Variants in GPAM observed in about 807,000 individuals in gnomAD.
GPAM encodes glycerol-3-phosphate acyltransferase, mitochondrial, also known as glycerol-3-phosphate acyltransferase 1, mitochondrial.
In GPAM, 56 loss-of-function variants were observed where a neutral mutation model predicts 105.0. The ratio of observed to expected loss-of-function variants is 0.53; its 90% CI spans 0.43 to 0.67. The LOEUF (loss-of-function observed/expected upper bound fraction) is 0.67, where lower values mean the gene tolerates loss of function less well. Among genes scored for constraint, GPAM ranks in the 30% least tolerant of loss-of-function variants. GPAM has a pLI of 0.00. For synonymous variants in GPAM, 368 were observed against 354.4 expected, an observed-to-expected ratio of 1.04 and a Z score of -0.43; for missense variants, 855 against 989.8, an observed-to-expected ratio of 0.86 and a Z score of 1.83.
intron 13 of GPAM, 128 bp downstream of exon 13, chr10:112,164,397 T>A: frequency 1.5e-6 from 1 of 685,030 alleles, no homozygotes; most frequent in Non-Finnish European, 2.7e-6. Flanking sequence ...CTTATTGGAC[T>A]AAGAGAAAAG....
chr10:112,209,823 T>C (rs1847891321), intron 1 of GPAM, among the ~76,000 whole-genome samples: 1 of 152,234 alleles, frequency 6.6e-6, no homozygotes, highest in South Asian at 2.1e-4. Context: ...GTCACTTTCT[T>C]TCAAGACTCA....
At chr10:112,185,622 A>C (rs1160463362), upstream of GPAM, among the ~76,000 whole-genome samples, 1 of 150,430 alleles carries the variant, frequency 6.6e-6, no homozygotes, top group Non-Finnish European at 1.5e-5. Context: ...ACACAGGATT[A>C]ATAGGTTAGA....
At chr10:112,191,277 C>G (rs1009287824) in intron 1 of GPAM, among the ~76,000 whole-genome samples, 1 of 152,224 alleles carries the variant, frequency 6.6e-6, no homozygotes, top group African/African-American at 2.4e-5. Context: ...TGGAGCCAGG[C>G]AGTAAGCAGC....
intron 8 of GPAM, 140 bp from the exon 9 acceptor site, chr10:112,172,458 C>A: frequency 1.4e-6 from 1 of 712,898 alleles, no homozygotes; most frequent in South Asian, 1.5e-5. Context: ...ATAATAGGAA[C>A]TTCCTTCAAT....
At chr10:112,154,984 A>T in intron 20 of GPAM, 1 of 473,592 alleles carries the variant, frequency 2.1e-6, no homozygotes, top group Non-Finnish European at 3.9e-6. Flanking sequence ...AAATACCTAA[A>T]ACATCCATTT....
intron 1 of GPAM, among the ~76,000 whole-genome samples, chr10:112,200,643 A>T (rs776808157): frequency 3.3e-5 from 5 of 152,062 alleles, no homozygotes; most frequent in Non-Finnish European, 5.9e-5. Flanking sequence ...TCCAATAAAA[A>T]GTTTTGCTGA....
At chr10:112,179,498 T>C (rs1408319017) in intron 4 of GPAM, among the ~76,000 whole-genome samples, 1 of 152,244 alleles carries the variant, frequency 6.6e-6, no homozygotes, top group Non-Finnish European at 1.5e-5. Flanking sequence ...AACAAGGTAG[T>C]TGTGGTTTAA....
At chr10:112,221,124 T>C in the GPAM span, among the ~76,000 whole-genome samples, 6 of 152,208 alleles carry the variant, frequency 3.9e-5, no homozygotes, top group African/African-American at 9.6e-5. Flanking sequence ...ATAAGGATTT[T>C]AATGTGAAAT....
rs1390949987 is a variant in GPAM at position 112,190,253 on chromosome 10, AC to A, written n.211-7363del. ...ATGCTGAGGGGTGGCAGTGAAGGTG[AC>A]CTTAGATTCTGCCTTTAAGAAAGGG... On this transcript the variant is annotated intron_variant and non_coding_transcript_variant, in intron 1 of 3. Coordinates refer to the GPAM transcript ENST00000480130. Among the ~76,000 whole-genome samples the A allele has an allele frequency of 4.6e-5, 7 of 152,286 alleles. No individual in the cohort carries two copies. The South Asian group carries it at 1.5e-3, about 32-fold the overall frequency.
upstream of GPAM, among the ~76,000 whole-genome samples, chr10:112,218,359 T>C (rs575161996): frequency 1.3e-5 from 2 of 152,244 alleles, no homozygotes; most frequent in South Asian, 2.1e-4. Context: ...TATGGAGAGA[T>C]GGAGAGGACT....
intron 4 of GPAM, among the ~76,000 whole-genome samples, chr10:112,180,027 C>G (rs1327855701): frequency 1.3e-5 from 2 of 152,226 alleles, no homozygotes; most frequent in African/African-American, 2.4e-5. Flanking sequence ...GACAATCTTT[C>G]ACTATCACAA....
chr10:112,175,567 T>A, intron 6 of GPAM, 33 bp downstream of exon 6: 1 of 1,142,120 alleles, frequency 8.8e-7, no homozygotes, highest in East Asian at 2.3e-5. Flanking sequence ...CATCCCTGCC[T>A]CTTCCCACCT....
Position 112,150,111 on chromosome 10 carries a change from C to T in GPAM, c.*3439G>A, listed in dbSNP as rs775293412. 36 of 983,632 alleles carry T rather than the reference C, an allele frequency of 3.7e-5. No homozygotes were observed. Among genetic ancestry groups the T allele is most frequent in the Non-Finnish European group, 4.2e-5 (35 of 828,296 alleles). The allele number at this position is 983,632 out of a possible 1,614,324, so 60.9% of individuals were successfully genotyped here. ...GACGTTTAGAAATAAGGTCAAGAAT[C>T]TCTTTCAAATGCAATCATTAGTTTG... On this transcript the variant is annotated 3_prime_UTR_variant, in exon 22 of 22. Transcript: ENST00000348367.
chr10:112,167,118 G>C (rs1293732899), intron 11 of GPAM, among the ~76,000 whole-genome samples: 2 of 152,086 alleles, frequency 1.3e-5, no homozygotes, highest in African/African-American at 4.8e-5. Flanking sequence ...AGAACACAAG[G>C]AGAAGAGTGT....
the GPAM span, among the ~76,000 whole-genome samples, chr10:112,223,557 G>C: frequency 1.3e-5 from 2 of 152,198 alleles, no homozygotes; most frequent in African/African-American, 4.8e-5. Flanking sequence ...GTGACCTTAA[G>C]CAAATCACTT....
chr10:112,176,349 C>A (rs1847404832), intron 5 of GPAM, among the ~76,000 whole-genome samples: 1 of 152,258 alleles, frequency 6.6e-6, no homozygotes, highest in South Asian at 2.1e-4. Flanking sequence ...TTATAAATGA[C>A]TATGTGGTGT....
chr10:112,220,233 C>A (rs1283058069), upstream of GPAM, among the ~76,000 whole-genome samples: 3 of 151,830 alleles, frequency 2.0e-5, no homozygotes, highest in Admixed American at 1.3e-4. Flanking sequence ...CCCTGGCCCA[C>A]CAAACTATCC....
intron 6 of GPAM, among the ~76,000 whole-genome samples, chr10:112,174,806 A>G (rs1847374327): frequency 6.6e-6 from 1 of 152,194 alleles, no homozygotes; most frequent in African/African-American, 2.4e-5. Context: ...ATGCACCTCC[A>G]TTATCAACTA....
intron 1 of GPAM, among the ~76,000 whole-genome samples, chr10:112,213,909 C>T (rs1847940773): frequency 1.3e-5 from 2 of 152,214 alleles, no homozygotes; most frequent in African/African-American, 4.8e-5. Context: ...AGAAGAATCA[C>T]ATCCAAGAGG....
Sources: allele counts gnomAD v4.1 joint callset (sites outside exome capture counted in the v4.1 genomes callset), GRCh38; gene constraint gnomAD v4.1.1; transcripts MANE v1.5; gene names NCBI Gene and HGNC (gene_info 2026-07-23, HGNC 2026-07-21).